The following MAPK4 variants were observed in gnomAD, a reference collection of about 807,000 sequenced individuals.
MAPK4 encodes the protein mitogen-activated protein kinase 4.
Under a neutral mutation model 47.7 loss-of-function variants are expected in MAPK4, and 22 were observed. The ratio of observed to expected loss-of-function variants is 0.46; its 90% CI spans 0.33 to 0.66. MAPK4 has a LOEUF of 0.66. Ranked by LOEUF, MAPK4 falls within the 30% of genes least tolerant of loss-of-function variation. The pLI is 0.02. For synonymous variants in MAPK4, 390 were observed against 365.7 expected (o/e 1.07, Z -0.76); for missense variants, 736 against 831.7 (o/e 0.88, Z 1.42).
At chr18:50,564,305 G>T (rs1330128070) in intron 1 of MAPK4, among the ~76,000 whole-genome samples, 1 of 152,146 alleles carries the variant, frequency 6.6e-6, no homozygotes, top group Non-Finnish European at 1.5e-5. Flanking sequence ...TTGATGTTAT[G>T]GGCCAGATAA....
At chr18:50,637,162 A>G (rs2042895973) in intron 1 of MAPK4, among the ~76,000 whole-genome samples, 1 of 152,190 alleles carries the variant, frequency 6.6e-6, no homozygotes, top group African/African-American at 2.4e-5. Context: ...AGTTTGGACC[A>G]GATTATTGAG....
intron 1 of MAPK4, among the ~76,000 whole-genome samples, chr18:50,615,088 C>T (rs1427163480): frequency 6.6e-6 from 1 of 152,172 alleles, no homozygotes; most frequent in Non-Finnish European, 1.5e-5. Flanking sequence ...TCCCTGAAGG[C>T]TGAACATTAG....
intron 2 of MAPK4, among the ~76,000 whole-genome samples, chr18:50,676,631 T>C (rs567688317): frequency 5.2e-4 from 79 of 152,328 alleles, no homozygotes; most frequent in Non-Finnish European, 6.5e-4. Flanking sequence ...GCACAGATGT[T>C]AGGAAACATC....
Position 50,664,571 on chromosome 18 carries a change from C to A in MAPK4, c.546+67C>A. 1.3e-6 allele frequency: 2 copies of A among 1,485,478 alleles called. No homozygotes were observed. The highest frequency in any genetic ancestry group is 1.8e-6 in the Non-Finnish European group (2 of 1,095,858). The allele number at this position is 1,485,478 out of a possible 1,614,324, so 92.0% of individuals were successfully genotyped here. ...TCCCCAAGAATACTTGCAGCATTCC[C>A]AAGCTATTCCTAGCTCCATGGTAGT... On this transcript the variant is annotated intron_variant, in intron 2 of 5. Transcript: ENST00000400384. The surrounding 1 kb of genome is among the most constrained non-coding windows in gnomAD (Gnocchi z 6.0).
intron 2 of MAPK4, among the ~76,000 whole-genome samples, chr18:50,666,040 T>C (rs1335885088): frequency 6.6e-6 from 1 of 152,200 alleles, no homozygotes; most frequent in Non-Finnish European, 1.5e-5. Flanking sequence ...ACAAGACTCT[T>C]ATATGTGGGA....
chr18:50,651,157 G>T (rs111926404), intron 1 of MAPK4, among the ~76,000 whole-genome samples: 1 of 152,224 alleles, frequency 6.6e-6, no homozygotes, highest in East Asian at 1.9e-4. Flanking sequence ...GGAGACTGGG[G>T]TTCCCGTTGA....
intron 2 of MAPK4, among the ~76,000 whole-genome samples, chr18:50,693,092 C>G (rs1415971275): frequency 6.6e-6 from 1 of 151,964 alleles, no homozygotes; most frequent in Non-Finnish European, 1.5e-5. Flanking sequence ...CCTGTCTCTA[C>G]TAAAGAAAAT....
At chr18:50,682,088 G>C (rs909897158) in intron 2 of MAPK4, among the ~76,000 whole-genome samples, 1 of 152,182 alleles carries the variant, frequency 6.6e-6, no homozygotes, top group Non-Finnish European at 1.5e-5. Flanking sequence ...AATGGGGCAT[G>C]ACTGCTAATG....
intron 2 of MAPK4, among the ~76,000 whole-genome samples, chr18:50,675,061 T>C (rs1908179493): frequency 6.6e-6 from 1 of 152,230 alleles, no homozygotes; most frequent in African/African-American, 2.4e-5. Flanking sequence ...GTTAACCTAC[T>C]AAATCCTCAT....
intron 4 of MAPK4, 84 bp downstream of exon 4, chr18:50,722,183 C>A: frequency 6.8e-7 from 1 of 1,464,064 alleles, no homozygotes; most frequent in South Asian, 1.3e-5. Context: ...GGCAGGTCTC[C>A]TTCCAAAAGG....
At chr18:50,693,539 C>T (rs952325756) in intron 2 of MAPK4, among the ~76,000 whole-genome samples, 1 of 152,230 alleles carries the variant, frequency 6.6e-6, no homozygotes, top group Non-Finnish European at 1.5e-5. Flanking sequence ...CGCCCTTCGA[C>T]TTCTGAGTGC....
chr18:50,630,598 C>T (rs778737193), intron 1 of MAPK4, among the ~76,000 whole-genome samples: 3 of 152,246 alleles, frequency 2.0e-5, no homozygotes, highest in Non-Finnish European at 2.9e-5. Context: ...TCCACAATGT[C>T]ATCCTCTTCG....
At chr18:50,689,177 C>T (rs1398150160) in intron 2 of MAPK4, among the ~76,000 whole-genome samples, 1 of 146,088 alleles carries the variant, frequency 6.8e-6, no homozygotes, top group African/African-American at 2.7e-5. Flanking sequence ...GGGCGGATCA[C>T]ATGAAGTCAG....
rs1907414838 is a variant in MAPK4, at chr18:50,663,775, G to A, written c.-184G>A. The A allele has an allele frequency of 5.2e-6, 3 of 574,488 alleles. No homozygotes were observed. The highest frequency in any genetic ancestry group is 2.9e-5 in the East Asian group (1 of 34,310). 35.6% of individuals were successfully genotyped at this position (574,488 alleles called of 1,614,324 possible). A position where few individuals can be genotyped will look rare whatever the true frequency, so the allele number is the denominator to read the frequency against. On this transcript the variant is annotated 5_prime_UTR_variant, in exon 2 of 6. Coordinates refer to ENST00000400384, the MANE Select transcript of MAPK4 (RefSeq NM_002747.4). ...GCGCCCCCAACTAGCACAGCTCAGC[G>A]AGCATGACCATATGCCATTCTCGTC...
intron 1 of MAPK4, among the ~76,000 whole-genome samples, chr18:50,588,370 C>G (rs982696833): frequency 6.6e-6 from 1 of 152,104 alleles, no homozygotes; most frequent in Non-Finnish European, 1.5e-5. Flanking sequence ...GCATGGTGGT[C>G]TCTGGGTAGT....
chr18:50,595,099 C>T (rs1170881148), intron 1 of MAPK4, among the ~76,000 whole-genome samples: 2 of 152,296 alleles, frequency 1.3e-5, no homozygotes, highest in East Asian at 3.9e-4. Context: ...TTCTAGAGTA[C>T]TGGTGGGAGT....
chr18:50,590,689 T>C (rs2042429568), intron 1 of MAPK4, among the ~76,000 whole-genome samples: 1 of 152,230 alleles, frequency 6.6e-6, no homozygotes, highest in Admixed American at 6.5e-5. Flanking sequence ...AGCAATTCTG[T>C]TGCCCTTGGA....
intron 1 of MAPK4, among the ~76,000 whole-genome samples, chr18:50,562,823 A>T (rs2042165795): frequency 1.3e-5 from 2 of 152,246 alleles, no homozygotes; most frequent in South Asian, 4.1e-4. Context: ...TAAAATGACA[A>T]CTTGGGCAGC....
chr18:50,674,584 T>C (rs1300717959), intron 2 of MAPK4, among the ~76,000 whole-genome samples: 1 of 152,114 alleles, frequency 6.6e-6, no homozygotes, highest in African/African-American at 2.4e-5. Flanking sequence ...ACAGCTCTGG[T>C]CCCACACACT....
Sources: allele counts gnomAD v4.1 joint callset (sites outside exome capture counted in the v4.1 genomes callset), GRCh38; gene constraint gnomAD v4.1.1; non-coding constraint Gnocchi (gnomAD v3.1); transcripts MANE v1.5; gene names NCBI Gene and HGNC (gene_info 2026-07-23, HGNC 2026-07-21).